Variants in ESF1 observed in about 807,000 individuals in gnomAD.
The protein encoded by ESF1 is ESF1 nucleolar pre-rRNA processing protein, also known as ESF1 homolog.
A neutral mutation model predicts 92.0 loss-of-function variants in ESF1; 58 were observed. The observed-to-expected ratio is 0.63, with a 90% confidence interval of 0.51 to 0.78. The LOEUF is 0.78. Among genes scored for constraint, ESF1 ranks in the 30% least tolerant of loss-of-function variants. The pLI, the probability that ESF1 is intolerant of heterozygous loss-of-function variation, is 0.00. For missense variants in ESF1, 922 were observed against 989.1 expected, an observed-to-expected ratio of 0.93 and a Z score of 0.91; for synonymous variants, 321 against 313.7, an observed-to-expected ratio of 1.02 and a Z score of -0.24.
intron 11 of ESF1, among the ~76,000 whole-genome samples, chr20:13,720,105 G>C (rs1260036459): frequency 1.3e-5 from 2 of 152,076 alleles, no homozygotes; most frequent in African/African-American, 4.8e-5. Context: ...CTGTTAAAAA[G>C]CTCTCAGTTC....
chr20:13,782,715 G>C lies in ESF1; in HGVS notation c.426C>G (p.Thr142=). 2 of 1,585,334 alleles carry C rather than the reference G, an allele frequency of 1.3e-6. No individual in the cohort carries two copies. The highest frequency in any genetic ancestry group is 1.7e-6 in the Non-Finnish European group (2 of 1,171,384). ...DNSIGIKKMK[T]SCKFKIDSNI... ...TTGAATCTATCTTAAATTTACATGAGGTTTTCATTTTTTTAATTCCTATAG... is the reference window on the plus strand; with the variant it reads ...TTGAATCTATCTTAAATTTACATGACGTTTTCATTTTTTTAATTCCTATAG... Residue 142 remains threonine (T), a synonymous_variant, in exon 2 of 14, where the codon ACC becomes ACG. Transcript: ENST00000617257.
intron 13 of ESF1, among the ~76,000 whole-genome samples, chr20:13,717,017 C>T (rs182874741): frequency 2.0e-5 from 3 of 151,854 alleles, no homozygotes; most frequent in Admixed American, 2.0e-4. Context: ...TGGGGTTTCA[C>T]CGTGTTAGCC....
At chr20:13,742,223 C>G (rs1035187178) in intron 9 of ESF1, among the ~76,000 whole-genome samples, 5 of 151,984 alleles carry the variant, frequency 3.3e-5, no homozygotes, top group African/African-American at 1.2e-4. Flanking sequence ...AAAAAATTAG[C>G]CGGGTGTGGT....
intron 8 of ESF1, among the ~76,000 whole-genome samples, chr20:13,763,164 T>C (rs1301791734): frequency 6.6e-6 from 1 of 152,096 alleles, no homozygotes; most frequent in Non-Finnish European, 1.5e-5. Context: ...CCCGGCCTAT[T>C]TATTAAAGTT....
At chr20:13,784,337 C>T (rs557011782) in intron 1 of ESF1, among the ~76,000 whole-genome samples, 20 of 146,396 alleles carry the variant, frequency 1.4e-4, no homozygotes, top group African/African-American at 4.7e-4. Flanking sequence ...AAATCAAGTC[C>T]TTTTAATTAC....
intron 2 of ESF1, among the ~76,000 whole-genome samples, chr20:13,780,985 T>A (rs1481000554): frequency 6.6e-6 from 1 of 152,178 alleles, no homozygotes; most frequent in African/African-American, 2.4e-5. Context: ...GCTCAAAAAG[T>A]TCTTTCCATG....
intron 9 of ESF1, among the ~76,000 whole-genome samples, chr20:13,749,446 C>G (rs987346893): frequency 2.6e-5 from 4 of 152,088 alleles, no homozygotes; most frequent in Admixed American, 6.6e-5. Context: ...AACGGGAACT[C>G]AGTGGTTACT....
At chr20:13,729,197 G>A (rs2147728336) in intron 10 of ESF1, among the ~76,000 whole-genome samples, 1 of 152,348 alleles carries the variant, frequency 6.6e-6, no homozygotes, top group African/African-American at 2.4e-5. Flanking sequence ...GACGGAGGTT[G>A]CAGTGAGCCA....
chr20:13,717,808 C>G (rs1226837149), intron 12 of ESF1, among the ~76,000 whole-genome samples: 3 of 152,180 alleles, frequency 2.0e-5, no homozygotes, highest in African/African-American at 7.2e-5. Context: ...GCTGCAGGAA[C>G]AAGAGTCCCC....
chr20:13,777,399 G>A (rs1979992382), intron 2 of ESF1, among the ~76,000 whole-genome samples: 1 of 152,172 alleles, frequency 6.6e-6, no homozygotes, highest in African/African-American at 2.4e-5. Context: ...TTTGTTTGGT[G>A]GAGGGAAATC....
chr20:13,778,731 A>G (rs1376435526), intron 2 of ESF1, among the ~76,000 whole-genome samples: 2 of 152,160 alleles, frequency 1.3e-5, no homozygotes, highest in Non-Finnish European at 2.9e-5. Flanking sequence ...TATCAACTGC[A>G]TTCAGAGTAT....
intron 7 of ESF1, among the ~76,000 whole-genome samples, chr20:13,768,152 A>AATC (rs1278526043): frequency 2.6e-5 from 4 of 152,214 alleles, no homozygotes; most frequent in African/African-American, 9.7e-5. Context: ...TACACCCAGT[A>AATC]ACTAATCAAT....
intron 5 of ESF1, among the ~76,000 whole-genome samples, chr20:13,772,016 A>T (rs1339799645): frequency 3.4e-5 from 5 of 148,162 alleles, no homozygotes; most frequent in African/African-American, 7.5e-5. Context: ...TTTAACCCTC[A>T]TTTTTATTAA....
intron 9 of ESF1, among the ~76,000 whole-genome samples, chr20:13,758,669 T>C (rs906337556): frequency 6.6e-6 from 1 of 152,252 alleles, no homozygotes; most frequent in Non-Finnish European, 1.5e-5. Flanking sequence ...AACTGGTTAG[T>C]ACTCTTTCTC....
Position 13,717,414 on chromosome 20 carries a change from T to C in ESF1, c.2216A>G (p.Lys739Arg), listed in dbSNP as rs2049836865. Residue 739 changes from lysine (K) to arginine (R), a missense_variant, in exon 13 of 14, where the codon AAA becomes AGA. Coordinates refer to ENST00000617257, the MANE Select transcript of ESF1 (RefSeq NM_001276380.2). The stretch of plus-strand genomic sequence containing the variant: ...TTCCTTCTTTTTCATGAGCTGCTTT[T>C]TCTTCTTTTTGCTCAGATTCTGGTG... ...VEHQNLSKKKKKQLMKKKELI... is the reference protein window; with the variant it reads ...VEHQNLSKKKRKQLMKKKELI... The C allele has an allele frequency of 6.2e-7, 1 of 1,614,198 alleles. No homozygotes were observed. The highest frequency in any genetic ancestry group is 8.5e-7 in the Non-Finnish European group (1 of 1,180,032).
At chr20:13,767,749 G>A (rs369988177) in intron 7 of ESF1, among the ~76,000 whole-genome samples, 1 of 152,238 alleles carries the variant, frequency 6.6e-6, no homozygotes, top group East Asian at 1.9e-4. Flanking sequence ...ATTCATCTAT[G>A]ACATGACTGA....
chr20:13,717,391 C>A lies in ESF1; in HGVS notation c.2239G>T (p.Glu747Ter). The A allele has an allele frequency of 6.2e-7, 1 of 1,614,116 alleles. No individual in the cohort carries two copies. The highest frequency in any genetic ancestry group is 8.5e-7 in the Non-Finnish European group (1 of 1,180,018). ...KKKKQLMKKK[E>*]LIEDDFEVNV... ...ACCTCAAAGTCATCCTCTATTAATT[C>A]CTTCTTTTTCATGAGCTGCTTTTTC... The change falls in exon 13 of 14, where the codon GAA becomes TAA. Residue 747 changes from glutamate (E) to a stop codon, truncating the protein, a stop_gained. Transcript: ENST00000617257. LOFTEE classifies it high-confidence loss of function.
chr20:13,730,453 G>A (rs1033603611), intron 10 of ESF1, among the ~76,000 whole-genome samples: 4 of 148,150 alleles, frequency 2.7e-5, no homozygotes, highest in African/African-American at 1.0e-4. Flanking sequence ...GCACGATCTC[G>A]GCTCACTGCA....
intron 8 of ESF1, among the ~76,000 whole-genome samples, chr20:13,761,922 A>ACTCT (rs1199642353): frequency 2.6e-5 from 4 of 152,196 alleles, no homozygotes; most frequent in Non-Finnish European, 5.9e-5. Context: ...AAGTAAAGGA[A>ACTCT]ACTCTACTAG....
Sources: gnomAD v4.1 joint callset for allele counts (sites outside exome capture counted in the v4.1 genomes callset) on GRCh38, gnomAD v4.1.1 for gene constraint, MANE v1.5 for transcripts, NCBI Gene and HGNC (gene_info 2026-07-23, HGNC 2026-07-21) for gene names.